TPH1: variants seen among roughly 807,000 people sequenced by gnomAD.
TPH1 encodes the protein tryptophan 5-hydroxylase 1.
Under a neutral mutation model 49.5 loss-of-function variants are expected in TPH1, and 37 were observed. The observed-to-expected ratio is 0.75, with a 90% CI of 0.58 to 0.98. TPH1 has a LOEUF of 0.98. Among genes scored for constraint, TPH1 ranks in the 50% least tolerant of loss-of-function variants. TPH1 has a pLI of 0.00. For missense variants in TPH1, 487 were observed against 523.6 expected (o/e 0.93, Z 0.68); for synonymous variants, 160 against 182.1 (o/e 0.88, Z 0.98).
chr11:18,024,120 C>A lies in TPH1; in HGVS notation c.931-137G>T. ...TCTAGTTCACAAGTCTTTCTACAAT[C>A]TGACCTCATTCTAAACCAGTACTTC... On this transcript the variant is annotated intron_variant, in intron 8 of 10. Coordinates refer to ENST00000682019, the MANE Select transcript of TPH1 (RefSeq NM_004179.3). 4.2e-6 allele frequency: 3 copies of A among 713,796 alleles called. No homozygotes were observed. The Admixed American group carries it at 6.1e-5, about 14-fold the overall frequency. The allele number at this position is 713,796 out of a possible 1,614,324, so 44.2% of individuals were successfully genotyped here. A position where few individuals can be genotyped will look rare whatever the true frequency, so the allele number is the denominator to read the frequency against.
At chr11:18,045,439 T>C (rs1848131943) in intron 1 of TPH1, among the ~76,000 whole-genome samples, 2 of 151,868 alleles carry the variant, frequency 1.3e-5, no homozygotes, top group South Asian at 2.1e-4. Context: ...AAACCACAGA[T>C]TATAACTTTA....
At chr11:18,026,393 C>CAAAAAAA (rs57335932) in intron 7 of TPH1, 97 bp downstream of exon 7, 58 of 588,726 alleles carry the variant, frequency 9.9e-5, no homozygotes, top group African/African-American at 3.5e-4. Flanking sequence ...CCTCGCACAC[C>CAAAAAAA]AAAAAAAAAA....
chr11:18,027,687 T>C (rs1173651757), intron 6 of TPH1, among the ~76,000 whole-genome samples: 2 of 152,216 alleles, frequency 1.3e-5, no homozygotes, highest in South Asian at 2.1e-4. Flanking sequence ...TTTGTGTGCA[T>C]TACAAAGCGT....
chr11:18,031,906 T>A (rs1312947108), intron 4 of TPH1, among the ~76,000 whole-genome samples: 1 of 152,178 alleles, frequency 6.6e-6, no homozygotes, highest in East Asian at 1.9e-4. Context: ...TGAAGCAAAA[T>A]TTTCACCTAG....
chr11:18,021,223 A>G (rs1356995355), intron 10 of TPH1, 58 bp from the exon 11 acceptor site: 1 of 1,529,840 alleles, frequency 6.5e-7, no homozygotes, highest in Admixed American at 1.7e-5. Flanking sequence ...GATGAAAACT[A>G]AACAAACAAC....
At chr11:18,042,133 T>C (rs1848103443) in intron 1 of TPH1, among the ~76,000 whole-genome samples, 1 of 152,062 alleles carries the variant, frequency 6.6e-6, no homozygotes, top group Non-Finnish European at 1.5e-5. Context: ...TGACTGAATA[T>C]AGCTTCTAGC....
rs1042863310 is a variant in TPH1, at chr11:18,040,841, A to G, written c.-26-53T>C. On this transcript the variant is annotated intron_variant, in intron 1 of 10. Coordinates refer to ENST00000682019, the MANE Select transcript of TPH1 (RefSeq NM_004179.3). ...CTAAAAAAGAAGTTGCACAATGCAG[A>G]CAATATTTGATAACTAAGGGCTCAT... The G allele has an allele frequency of 1.6e-5, 24 of 1,522,796 alleles. No homozygotes were observed. The African/African-American group carries it at 2.7e-4, about 17-fold the overall frequency. 94.3% of individuals were successfully genotyped at this position (1,522,796 alleles called of 1,614,324 possible).
At chr11:18,025,339 T>C (rs1489499538) in intron 8 of TPH1, among the ~76,000 whole-genome samples, 1 of 152,120 alleles carries the variant, frequency 6.6e-6, no homozygotes, top group Non-Finnish European at 1.5e-5. Flanking sequence ...TTTCCTTTCT[T>C]TACTCTTCTC....
At position 18,021,299 on chromosome 11, in the gene TPH1, C is replaced by T. The variant is rs1256339907; in HGVS notation, c.1161-134G>A. On this transcript the variant is annotated intron_variant, in intron 10 of 10. Coordinates refer to ENST00000682019, the MANE Select transcript of TPH1 (RefSeq NM_004179.3). ...TAGATATGTGTACAACCAATCTGAC[C>T]TACTTCTCTACACTACATTTGCAGA... is the stretch of plus-strand genomic sequence containing the variant. 9 of 810,074 alleles carry T rather than the reference C, an allele frequency of 1.1e-5. No individual in the cohort carries two copies. In the African/African-American group the frequency reaches 1.3e-4, roughly 12 times the overall value. The allele number at this position is 810,074 out of a possible 1,614,324, so 50.2% of individuals were successfully genotyped here. A position where few individuals can be genotyped will look rare whatever the true frequency, so the allele number is the denominator to read the frequency against.
intron 3 of TPH1, among the ~76,000 whole-genome samples, chr11:18,034,599 G>A (rs1010932064): frequency 3.9e-5 from 6 of 152,096 alleles, no homozygotes; most frequent in Non-Finnish European, 7.3e-5. Context: ...CAGAAGTGGA[G>A]ATATATCAGT....
At chr11:18,029,006 A>G (rs527526332) in intron 6 of TPH1, among the ~76,000 whole-genome samples, 159 bp downstream of exon 6, 1 of 149,658 alleles carries the variant, frequency 6.7e-6, no homozygotes, top group East Asian at 2.0e-4. Context: ...CAGAGGCTGC[A>G]GTGACAGAGG....
At chr11:18,024,905 T>C (rs1256956483) in intron 8 of TPH1, among the ~76,000 whole-genome samples, 3 of 152,198 alleles carry the variant, frequency 2.0e-5, no homozygotes, top group Non-Finnish European at 2.9e-5. Context: ...CTGAGATGCA[T>C]TTCTTCCTTC....
At chr11:18,029,470 TTATTA>T in intron 5 of TPH1, 37 bp downstream of exon 5, 1 of 1,570,314 alleles carries the variant, frequency 6.4e-7, no homozygotes, top group Non-Finnish European at 8.8e-7. Flanking sequence ...TTCACTTATT[TTATTA>T]TCTCAAAGTT....
intron 2 of TPH1, among the ~76,000 whole-genome samples, chr11:18,037,097 G>A (rs973894078): frequency 1.3e-5 from 2 of 152,180 alleles, no homozygotes; most frequent in African/African-American, 2.4e-5. Context: ...GGTGGCTCAC[G>A]CCTGTAATTC....
In TPH1 at chr11:18,022,945, A is replaced by G. The variant is rs1439963079; in HGVS notation, c.1027-14T>C. 6.2e-7 allele frequency: 1 copy of G among 1,612,620 alleles called. No homozygotes were observed. Among genetic ancestry groups the G allele is most frequent in the Non-Finnish European group, 8.5e-7 (1 of 1,179,282 alleles). On this transcript the variant is annotated splice_polypyrimidine_tract_variant and intron_variant, in intron 9 of 10. Coordinates refer to ENST00000682019, the MANE Select transcript of TPH1 (RefSeq NM_004179.3). ...AGAAAGTGCATGCTAGAAGACAAAG[A>G]GTCAGTGAATCAAAGAATAATATCT...
In TPH1 at chr11:18,029,595, A is replaced by C; in HGVS notation, c.403-16T>G. 1 of 1,596,642 alleles carries C rather than the reference A, an allele frequency of 6.3e-7. No individual in the cohort carries two copies. The highest frequency in any genetic ancestry group is 8.6e-7 in the Non-Finnish European group (1 of 1,165,480). On this transcript the variant is annotated splice_polypyrimidine_tract_variant and intron_variant, in intron 4 of 10. Coordinates refer to ENST00000682019, the MANE Select transcript of TPH1 (RefSeq NM_004179.3). ...CTTTGAAGCCCTGATAATTAAAGAT[A>C]TGTTTTTAAATATCCATACTAAAAA...
chr11:18,026,666 A>C, intron 6 of TPH1, 41 bp from the exon 7 acceptor site: 1 of 1,613,152 alleles, frequency 6.2e-7, no homozygotes, highest in Non-Finnish European at 8.5e-7. Context: ...CTTTACCAGA[A>C]TAGACCCCTG....
chr11:18,019,680 G>A lies in TPH1; in HGVS notation c.*1311C>T. On this transcript the variant is annotated 3_prime_UTR_variant, in exon 11 of 11. Coordinates refer to ENST00000682019, the MANE Select transcript of TPH1 (RefSeq NM_004179.3). ...ATCTGGGTGACATTCCCCATGAAGA[G>A]ATGGCAAAAAGAGTAGAAGTGCAAA... 1 of 463,344 alleles carries A rather than the reference G, an allele frequency of 2.2e-6. No individual in the cohort carries two copies. Among genetic ancestry groups the A allele is most frequent in the South Asian group, 1.5e-5 (1 of 64,804 alleles). The allele number at this position is 463,344 out of a possible 1,614,324, so 28.7% of individuals were successfully genotyped here. A position where few individuals can be genotyped will look rare whatever the true frequency, so the allele number is the denominator to read the frequency against.
chr11:18,033,368 TC>T lies in TPH1; in HGVS notation c.307del (p.Glu103LysfsTer21). 6.2e-7 allele frequency: 1 copy of T among 1,609,008 alleles called. No individual in the cohort carries two copies. The highest frequency in any genetic ancestry group is 8.5e-7 in the Non-Finnish European group (1 of 1,175,882). ...DNFTLKEDGM[E>X]TVPWFPKKIS... ...CTTCTTTGGAAACCAAGGAACAGTTTCCATACCTGTAAAATTTAAAATAAAA... is the reference window on the plus strand; with the variant it reads ...CTTCTTTGGAAACCAAGGAACAGTTTCATACCTGTAAAATTTAAAATAAAA... On this transcript the variant is annotated frameshift_variant, in exon 4 of 11. Coordinates refer to ENST00000682019, the MANE Select transcript of TPH1 (RefSeq NM_004179.3). LOFTEE classifies it high-confidence loss of function.
Sources: allele counts gnomAD v4.1 joint callset (sites outside exome capture counted in the v4.1 genomes callset), GRCh38; gene constraint gnomAD v4.1.1; transcripts MANE v1.5; gene names NCBI Gene and HGNC (gene_info 2026-07-23, HGNC 2026-07-21).